Variants in VWC2L observed in about 807,000 individuals in gnomAD.
VWC2L encodes von Willebrand factor C domain-containing protein 2-like.
Under a neutral mutation model 21.6 loss-of-function variants are expected in VWC2L, and 10 were observed. The ratio of observed to expected loss-of-function variants is 0.46; its 90% CI spans 0.29 to 0.78. The LOEUF is 0.78. Among genes scored for constraint, VWC2L ranks in the 30% least tolerant of loss-of-function variants. The pLI is 0.10. For synonymous variants in VWC2L, 96 were observed against 94.3 expected, an observed-to-expected ratio of 1.02 and a Z score of -0.10; for missense variants, 209 against 277.1, an observed-to-expected ratio of 0.75 and a Z score of 1.74.
In VWC2L at chr2:214,449,742, G is replaced by A. The variant is rs58740632; in HGVS notation, c.520+12984G>A. 3.1e-3 allele frequency among the ~76,000 whole-genome samples: 466 copies of A among 152,264 alleles called. 2 individuals are homozygous for A. Among genetic ancestry groups the A allele is most frequent in the African/African-American group, 0.011 (443 of 41,556 alleles). On this transcript the variant is annotated intron_variant, in intron 3 of 3. Transcript: ENST00000312504. Reference sequence around the variant, plus strand: ...TGGATACCCCTCAATTGAGAAAGGGGAAATAGGAAGTTCCTGCATACATAC... The same window carrying A: ...TGGATACCCCTCAATTGAGAAAGGGAAAATAGGAAGTTCCTGCATACATAC...
intron 3 of VWC2L, among the ~76,000 whole-genome samples, chr2:214,560,508 T>A (rs963409608): frequency 5.3e-5 from 8 of 152,192 alleles, no homozygotes; most frequent in Admixed American, 3.9e-4. Flanking sequence ...TTTAATGAAG[T>A]GAAAATAGGT....
Position 214,570,058 on chromosome 2 carries a change from T to C in VWC2L, c.521-5614T>C, listed in dbSNP as rs1025854403. On this transcript the variant is annotated intron_variant, in intron 3 of 3. Coordinates refer to ENST00000312504, the MANE Select transcript of VWC2L (RefSeq NM_001080500.4). Reference sequence around the variant, plus strand: ...ATTTTCTGCTGGTTTTGTAGAATCCTGGATGATTGAAACTGGAAAAGATCA... The same window carrying C: ...ATTTTCTGCTGGTTTTGTAGAATCCCGGATGATTGAAACTGGAAAAGATCA... Among the ~76,000 whole-genome samples the C allele has an allele frequency of 3.9e-5, 6 of 152,148 alleles. No individual in the cohort carries two copies. The South Asian group carries it at 6.2e-4, about 16-fold the overall frequency.
intron 3 of VWC2L, among the ~76,000 whole-genome samples, chr2:214,489,911 G>T (rs377069372): frequency 6.6e-6 from 1 of 152,166 alleles, no homozygotes; most frequent in Non-Finnish European, 1.5e-5. Flanking sequence ...AAGAAAGCAC[G>T]CTTACCCTAA....
intron 3 of VWC2L, among the ~76,000 whole-genome samples, chr2:214,481,757 A>G (rs1182164315): frequency 6.6e-6 from 1 of 152,212 alleles, no homozygotes; most frequent in African/African-American, 2.4e-5. Context: ...ATTGACTTAC[A>G]TTCTAATTTT....
At chr2:214,459,087 G>C (rs1312331566) in intron 3 of VWC2L, among the ~76,000 whole-genome samples, 1 of 152,036 alleles carries the variant, frequency 6.6e-6, no homozygotes, top group Non-Finnish European at 1.5e-5. Context: ...TATATATCTG[G>C]ATACTCTGGT....
chr2:214,491,567 C>A (rs192634685), intron 3 of VWC2L, among the ~76,000 whole-genome samples: 1 of 152,250 alleles, frequency 6.6e-6, no homozygotes, highest in Non-Finnish European at 1.5e-5. Flanking sequence ...TGTTACAATA[C>A]CTTTGGGGAA....
chr2:214,460,069 A>G (rs1011554844), intron 3 of VWC2L, among the ~76,000 whole-genome samples: 1 of 151,528 alleles, frequency 6.6e-6, no homozygotes, highest in Admixed American at 6.6e-5. Flanking sequence ...CACCATGCCC[A>G]GCTAATTTTT....
chr2:214,532,494 C>T (rs944666747), intron 3 of VWC2L, among the ~76,000 whole-genome samples: 1 of 152,008 alleles, frequency 6.6e-6, no homozygotes, highest in Non-Finnish European at 1.5e-5. Flanking sequence ...TTTAACAGTT[C>T]GATATAATCC....
intron 3 of VWC2L, among the ~76,000 whole-genome samples, chr2:214,558,053 C>G (rs1486870467): frequency 6.6e-6 from 1 of 152,240 alleles, no homozygotes; most frequent in African/African-American, 2.4e-5. Context: ...ACTTGTCAAG[C>G]AAGGTCACCA....
At chr2:214,423,687 TAA>T in intron 2 of VWC2L, among the ~76,000 whole-genome samples, 1 of 152,256 alleles carries the variant, frequency 6.6e-6, no homozygotes, top group Non-Finnish European at 1.5e-5. Context: ...CAAACTAGCC[TAA>T]GTTTCCAAAG....
At chr2:214,475,061 A>C (rs959638989) in intron 3 of VWC2L, among the ~76,000 whole-genome samples, 2 of 152,130 alleles carry the variant, frequency 1.3e-5, no homozygotes, top group Non-Finnish European at 2.9e-5. Context: ...CTTGATGCGA[A>C]TTGTTTGTAA....
At chr2:214,483,572 A>C (rs1234423427) in intron 3 of VWC2L, among the ~76,000 whole-genome samples, 1 of 152,150 alleles carries the variant, frequency 6.6e-6, no homozygotes, top group South Asian at 2.1e-4. Context: ...AAGACCCACA[A>C]CACCTTGGAA....
At chr2:214,573,002 C>T (rs1559335460) in intron 3 of VWC2L, among the ~76,000 whole-genome samples, 1 of 152,094 alleles carries the variant, frequency 6.6e-6, no homozygotes, top group Non-Finnish European at 1.5e-5. Context: ...TTCTAAATGA[C>T]TCTTAAGAAA....
chr2:214,454,762 C>T (rs1038451915), intron 3 of VWC2L, among the ~76,000 whole-genome samples: 2 of 151,532 alleles, frequency 1.3e-5, no homozygotes, highest in Admixed American at 1.3e-4. Flanking sequence ...GCCACCACGC[C>T]CGGCTAATTT....
intron 3 of VWC2L, among the ~76,000 whole-genome samples, chr2:214,496,792 C>G (rs1161123281): frequency 2.6e-5 from 4 of 152,178 alleles, no homozygotes; most frequent in African/African-American, 9.7e-5. Context: ...CTTTCAGATT[C>G]TATTCTCACC....
chr2:214,459,278 T>TTTTAC (rs1173228452), intron 3 of VWC2L, among the ~76,000 whole-genome samples: 1 of 152,222 alleles, frequency 6.6e-6, no homozygotes, highest in Non-Finnish European at 1.5e-5. Context: ...TCTTCCATCC[T>TTTTAC]TTTACTTTCA....
intron 3 of VWC2L, among the ~76,000 whole-genome samples, chr2:214,522,104 G>A (rs952563635): frequency 6.6e-6 from 1 of 152,072 alleles, no homozygotes; most frequent in African/African-American, 2.4e-5. Context: ...GGCCGGGCGC[G>A]GTGGCTCACG....
rs560953049 is a variant in VWC2L at position 214,437,343 on chromosome 2, TACG to T, written c.520+588_520+590del. Among the ~76,000 whole-genome samples, 319 of 152,280 alleles carry T rather than the reference TACG, an allele frequency of 2.1e-3. 3 individuals are homozygous for T. Among genetic ancestry groups the T allele is most frequent in the Non-Finnish European group, 3.7e-3 (252 of 68,018 alleles). On this transcript the variant is annotated intron_variant, in intron 3 of 3. Coordinates refer to ENST00000312504, the MANE Select transcript of VWC2L (RefSeq NM_001080500.4). ...GCTATAGAGAGCAACTTGTTTTATT[TACG>T]ACATTATAGGTTCCTTTTTGTCCCT...
intron 2 of VWC2L, among the ~76,000 whole-genome samples, chr2:214,430,264 T>C (rs1702580215): frequency 6.6e-6 from 1 of 152,258 alleles, no homozygotes; most frequent in African/African-American, 2.4e-5. Context: ...TCAGTTGTTT[T>C]CCAATCTTCT....
Sources: gnomAD v4.1 joint callset for allele counts (sites outside exome capture counted in the v4.1 genomes callset) on GRCh38, gnomAD v4.1.1 for gene constraint, MANE v1.5 for transcripts, NCBI Gene and HGNC (gene_info 2026-07-23, HGNC 2026-07-21) for gene names.